The following PTPRD variants were observed in gnomAD, a reference collection of about 807,000 sequenced individuals.
The protein encoded by PTPRD is protein tyrosine phosphatase receptor type D.
In PTPRD, 34 loss-of-function variants were observed where a neutral mutation model predicts 214.5. The ratio of observed to expected loss-of-function variants is 0.16; its 90% CI spans 0.12 to 0.21. The LOEUF is 0.21. Among genes scored for constraint, PTPRD ranks in the 10% least tolerant of loss-of-function variants. The pLI, the probability that PTPRD is intolerant of heterozygous loss-of-function variation, is 1.00. For missense variants in PTPRD, 2,545 were observed against 2,398.7 expected (o/e 1.06, Z -1.27); for synonymous variants, 1,128 against 845.7 (o/e 1.33, Z -5.79).
Position 8,596,342 on chromosome 9 carries a change from G to A in PTPRD, c.352+36975C>T, listed in dbSNP as rs187273226. The stretch of plus-strand genomic sequence containing the variant: ...CAGTCTCAAAAATAAATTAGCAAGT[G>A]GACAAATACAATAATTACTTTTAAA... On this transcript the variant is annotated intron_variant, in intron 14 of 45. Coordinates refer to ENST00000381196, the MANE Select transcript of PTPRD (RefSeq NM_002839.4). Among the ~76,000 whole-genome samples, 229 of 151,638 alleles carry A rather than the reference G, an allele frequency of 1.5e-3. 1 individual carries two copies. Among genetic ancestry groups the A allele is most frequent in the African/African-American group, 5.2e-3 (215 of 41,438 alleles).
intron 3 of PTPRD, among the ~76,000 whole-genome samples, chr9:10,335,140 AAGG>A (rs768461485): frequency 1.1e-4 from 17 of 151,708 alleles, no homozygotes; most frequent in Admixed American, 6.6e-5. Flanking sequence ...GCCAATATAG[AAGG>A]AGAAGAACAA....
chr9:8,463,109 G>A (rs1043282665), intron 32 of PTPRD, among the ~76,000 whole-genome samples: 3 of 151,382 alleles, frequency 2.0e-5, no homozygotes, highest in East Asian at 1.9e-4. Flanking sequence ...TTAGTTTATG[G>A]CATCTATTCT....
At chr9:9,841,363 G>A (rs1173710526) in intron 5 of PTPRD, among the ~76,000 whole-genome samples, 1 of 151,972 alleles carries the variant, frequency 6.6e-6, no homozygotes, top group Non-Finnish European at 1.5e-5. Flanking sequence ...ACTTGTGCAA[G>A]TTACTTTTTT....
At chr9:10,468,022 G>C (rs1462088513) in intron 2 of PTPRD, among the ~76,000 whole-genome samples, 2 of 152,254 alleles carry the variant, frequency 1.3e-5, no homozygotes, top group East Asian at 3.9e-4. Flanking sequence ...AAAGGATGTG[G>C]AGAAATAGGA....
intron 11 of PTPRD, among the ~76,000 whole-genome samples, chr9:8,739,482 T>C (rs1398147876): frequency 6.6e-6 from 1 of 152,208 alleles, no homozygotes; most frequent in Middle Eastern, 3.2e-3. Context: ...TAAAGTTCAG[T>C]TTAAATTTAC....
At chr9:9,579,278 G>C (rs1300942438) in intron 7 of PTPRD, among the ~76,000 whole-genome samples, 1 of 151,918 alleles carries the variant, frequency 6.6e-6, no homozygotes, top group Non-Finnish European at 1.5e-5. Flanking sequence ...GTGTGTCAAA[G>C]TCTTTAAGTT....
chr9:8,507,344 G>A lies in PTPRD; in HGVS notation c.1634C>T (p.Ala545Val), dbSNP rs573381420. 9 of 1,613,944 alleles carry A rather than the reference G, an allele frequency of 5.6e-6. No individual in the cohort carries two copies. The East Asian group carries it at 1.3e-4, about 24-fold the overall frequency. Residue 545 changes from alanine to valine, a missense_variant, in exon 22 of 46, where the codon GCC becomes GTC. Transcript: ENST00000381196. ...SWTPPRSDTI[A>V]NYELVYKDGE... ...ATCTTTGTAGACCAGTTCATAGTTG[G>A]CAATGGTATCTGAACGTGGAGGTGT...
chr9:10,003,163 G>T (rs2154095712), intron 4 of PTPRD, among the ~76,000 whole-genome samples: 1 of 151,778 alleles, frequency 6.6e-6, no homozygotes, highest in South Asian at 2.1e-4. Context: ...CCAGGCAGAA[G>T]GAAGAATAAA....
chr9:8,702,687 C>A (rs561484587), intron 12 of PTPRD, among the ~76,000 whole-genome samples: 1 of 152,184 alleles, frequency 6.6e-6, no homozygotes, highest in Non-Finnish European at 1.5e-5. Flanking sequence ...GATCTCGGCT[C>A]ACTGCAACCT....
chr9:9,301,487 C>T (rs1462063675), intron 9 of PTPRD, among the ~76,000 whole-genome samples: 1 of 145,692 alleles, frequency 6.9e-6, no homozygotes, highest in African/African-American at 2.6e-5. Flanking sequence ...GGATACATTT[C>T]GTTACCTTGG....
intron 11 of PTPRD, among the ~76,000 whole-genome samples, chr9:9,007,730 C>CTTT (rs35507897): frequency 7.4e-6 from 1 of 135,988 alleles, no homozygotes; most frequent in Non-Finnish European, 1.5e-5. Context: ...TACTTGGATC[C>CTTT]TTTTTTTTTT....
intron 2 of PTPRD, among the ~76,000 whole-genome samples, chr9:10,504,813 C>T (rs193174100): frequency 1.3e-4 from 20 of 152,312 alleles, no homozygotes; most frequent in African/African-American, 4.8e-4. Context: ...ATTTACCTGA[C>T]TACCCCACAT....
At chr9:10,269,898 C>T (rs555266276) in intron 3 of PTPRD, among the ~76,000 whole-genome samples, 71 of 151,870 alleles carry the variant, frequency 4.7e-4, no homozygotes, top group African/African-American at 1.6e-3. Flanking sequence ...CCTTAGTAAA[C>T]GTTAAATTTG....
chr9:9,326,548 C>A lies in PTPRD; in HGVS notation c.-203+70901G>T, dbSNP rs573120532. Among the ~76,000 whole-genome samples, 91 of 151,196 alleles carry A rather than the reference C, an allele frequency of 6.0e-4. 1 individual carries two copies. The South Asian group carries it at 0.014, about 24-fold the overall frequency. On this transcript the variant is annotated intron_variant, in intron 9 of 45. Transcript: ENST00000381196. The stretch of plus-strand genomic sequence containing the variant: ...ATAATTAGAAAACAAATATTCGAAC[C>A]CTTGATCTTCTGAAAATAAAAAAAG...
intron 4 of PTPRD, among the ~76,000 whole-genome samples, chr9:10,009,509 G>A (rs1290324284): frequency 6.6e-6 from 1 of 151,932 alleles, no homozygotes; most frequent in East Asian, 1.9e-4. Flanking sequence ...ACACCTAGAA[G>A]CAATAGAAAG....
chr9:10,083,389 G>A (rs912480425), intron 3 of PTPRD, among the ~76,000 whole-genome samples: 2 of 151,916 alleles, frequency 1.3e-5, no homozygotes, highest in Non-Finnish European at 2.9e-5. Context: ...TCAAAATGTG[G>A]CTGTATGAAA....
intron 3 of PTPRD, among the ~76,000 whole-genome samples, chr9:10,123,684 A>T (rs149406224): frequency 5.9e-5 from 9 of 152,354 alleles, no homozygotes; most frequent in Non-Finnish European, 1.0e-4. Flanking sequence ...ATTTTGGAAA[A>T]CAGAAATAAA....
chr9:9,774,640 G>A lies in PTPRD; in HGVS notation c.-367-7789C>T, dbSNP rs933483132. On this transcript the variant is annotated intron_variant, in intron 5 of 45. Transcript: ENST00000381196. ...ATGAGCTACTAGTTCTATTCATCAG[G>A]CATTGAGCTCTTTAGTTTGAAGGAT... Among the ~76,000 whole-genome samples, 10 of 152,088 alleles carry A rather than the reference G, an allele frequency of 6.6e-5. No homozygotes were observed. The East Asian group carries it at 1.9e-3, about 29-fold the overall frequency.
intron 8 of PTPRD, among the ~76,000 whole-genome samples, chr9:9,550,403 TG>T (rs1206658658): frequency 3.5e-4 from 42 of 121,164 alleles, no homozygotes; most frequent in African/African-American, 9.7e-4. Context: ...ATATATGAAA[TG>T]TATAATTTTA....
Sources: allele counts gnomAD v4.1 joint callset (sites outside exome capture counted in the v4.1 genomes callset), GRCh38; gene constraint gnomAD v4.1.1; transcripts MANE v1.5; gene names NCBI Gene and HGNC (gene_info 2026-07-23, HGNC 2026-07-21).